Variants in TBC1D5 observed in about 807,000 individuals in gnomAD.
TBC1D5 encodes the protein TBC1 domain family, member 5.
A neutral mutation model predicts 100.3 loss-of-function variants in TBC1D5; 75 were observed. The observed-to-expected ratio is 0.75, with a 90% CI of 0.62 to 0.91. The LOEUF (loss-of-function observed/expected upper bound fraction) is 0.91. Among genes scored for constraint, TBC1D5 ranks in the 40% least tolerant of loss-of-function variants. The pLI is 0.00. For missense variants in TBC1D5, 910 were observed against 942.4 expected (o/e 0.97, Z 0.45); for synonymous variants, 323 against 325.6 (o/e 0.99, Z 0.09).
chr3:17,516,793 A>T (rs2095994999), intron 2 of TBC1D5, among the ~76,000 whole-genome samples: 1 of 152,198 alleles, frequency 6.6e-6, no homozygotes, highest in South Asian at 2.1e-4. Context: ...CGCTCTGGGA[A>T]ATGCTTACTT....
intron 17 of TBC1D5, among the ~76,000 whole-genome samples, chr3:17,235,640 A>C (rs766642699): frequency 1.3e-5 from 2 of 152,182 alleles, no homozygotes; most frequent in African/African-American, 2.4e-5. Context: ...CTACCAAAAC[A>C]ACCATAGATT....
chr3:17,305,857 T>C (rs2083342028), intron 14 of TBC1D5, among the ~76,000 whole-genome samples: 1 of 152,198 alleles, frequency 6.6e-6, no homozygotes, highest in Admixed American at 6.5e-5. Context: ...AACTGTTAAC[T>C]GATGTCCTTG....
chr3:17,394,021 A>G (rs979470445), intron 8 of TBC1D5, among the ~76,000 whole-genome samples: 2 of 152,158 alleles, frequency 1.3e-5, no homozygotes, highest in Admixed American at 1.3e-4. Context: ...AGAAACTATC[A>G]TCAGAGTGAA....
intron 2 of TBC1D5, among the ~76,000 whole-genome samples, chr3:17,591,267 CA>C (rs370530999): frequency 7.7e-4 from 60 of 78,340 alleles, no homozygotes; most frequent in Non-Finnish European, 1.1e-3. Flanking sequence ...AAAAAAAAAA[CA>C]AAAACCCCAG....
intron 18 of TBC1D5, among the ~76,000 whole-genome samples, chr3:17,201,326 C>T (rs1391207627): frequency 6.6e-6 from 1 of 152,154 alleles, no homozygotes; most frequent in Non-Finnish European, 1.5e-5. Flanking sequence ...AGCGTGAGCT[C>T]GGTTTTAAGA....
chr3:17,689,110 T>C (rs904302077), intron 1 of TBC1D5, among the ~76,000 whole-genome samples: 1 of 152,092 alleles, frequency 6.6e-6, no homozygotes, highest in African/African-American at 2.4e-5. Context: ...AAAATCCCCA[T>C]TATCACCATA....
intron 8 of TBC1D5, among the ~76,000 whole-genome samples, chr3:17,397,123 C>G (rs1041045346): frequency 2.0e-5 from 3 of 151,980 alleles, no homozygotes; most frequent in Non-Finnish European, 4.4e-5. Context: ...CAGCACATAT[C>G]TATAATTTTT....
intron 2 of TBC1D5, among the ~76,000 whole-genome samples, chr3:17,521,890 A>G (rs2096067435): frequency 1.3e-5 from 2 of 152,144 alleles, no homozygotes; most frequent in Admixed American, 6.5e-5. Context: ...TGTAGTCCAT[A>G]TTAAAATGGC....
intron 12 of TBC1D5, among the ~76,000 whole-genome samples, chr3:17,373,379 T>G (rs545054335): frequency 3.9e-5 from 6 of 152,288 alleles, no homozygotes; most frequent in South Asian, 4.1e-4. Context: ...ATATACCAAA[T>G]TCTTTAACAG....
At position 17,689,537 on chromosome 3, in the gene TBC1D5, G is replaced by A. The variant is rs1048161707; in HGVS notation, c.-101+49806C>T. ...CTGTCTCAAAAAAAAAAAAAAAAAA[G>A]AAAAGAAAAAGAGAAAAAAGGGAGG... On this transcript the variant is annotated intron_variant, in intron 1 of 21. Coordinates refer to ENST00000253692, the Ensembl canonical transcript of TBC1D5. Among the ~76,000 whole-genome samples, 218 of 141,214 alleles carry A rather than the reference G, an allele frequency of 1.5e-3. 1 individual carries two copies. Among genetic ancestry groups the A allele is most frequent in the Admixed American group, 2.3e-3 (32 of 13,994 alleles). The allele number at this position is 141,214 out of a possible 152,430, so 92.6% of individuals were successfully genotyped here. A position where few individuals can be genotyped will look rare whatever the true frequency, so the allele number is the denominator to read the frequency against.
chr3:17,374,508 T>G (rs748005847), exon 12 of TBC1D5: 3 of 1,612,226 alleles, frequency 1.9e-6, no homozygotes, highest in African/African-American at 1.3e-5. Flanking sequence ...AAACCAAGGT[T>G]CAGCAGTTTC....
intron 1 of TBC1D5, among the ~76,000 whole-genome samples, chr3:17,679,472 CTTG>C (rs1191942672): frequency 2.6e-5 from 4 of 151,092 alleles, no homozygotes; most frequent in Admixed American, 2.6e-4. Flanking sequence ...TTTAAAAATC[CTTG>C]TTAATTGATA....
At chr3:17,280,324 GA>G (rs770350372) in intron 15 of TBC1D5, among the ~76,000 whole-genome samples, 36 of 152,154 alleles carry the variant, frequency 2.4e-4, no homozygotes, top group Admixed American at 4.6e-4. Flanking sequence ...ATTCTGGACA[GA>G]AGAGGGCAGG....
intron 1 of TBC1D5, among the ~76,000 whole-genome samples, chr3:17,690,707 G>A (rs1353838102): frequency 3.3e-5 from 5 of 152,100 alleles, no homozygotes; most frequent in Admixed American, 2.6e-4. Flanking sequence ...ACATGTGAGC[G>A]ATCTAGGTTG....
At chr3:17,391,243 G>C (rs552581208) in intron 8 of TBC1D5, among the ~76,000 whole-genome samples, 1 of 152,102 alleles carries the variant, frequency 6.6e-6, no homozygotes, top group East Asian at 1.9e-4. Context: ...TTCTTTCTTG[G>C]ATCGCTTGAT....
intron 2 of TBC1D5, among the ~76,000 whole-genome samples, chr3:17,531,021 T>A (rs2096215382): frequency 6.6e-6 from 1 of 152,170 alleles, no homozygotes; most frequent in Admixed American, 6.5e-5. Flanking sequence ...GGGCATTCAA[T>A]TAGGAAAACA....
intron 2 of TBC1D5, among the ~76,000 whole-genome samples, chr3:17,583,715 A>G (rs1241402011): frequency 6.6e-6 from 1 of 152,216 alleles, no homozygotes; most frequent in African/African-American, 2.4e-5. Context: ...CAACAGAGCA[A>G]GACTGTCTCA....
At chr3:17,551,454 T>G (rs531805163) in intron 2 of TBC1D5, among the ~76,000 whole-genome samples, 5 of 152,134 alleles carry the variant, frequency 3.3e-5, no homozygotes, top group African/African-American at 1.2e-4. Flanking sequence ...CAGCACAGCA[T>G]GCTTCATTAA....
intron 2 of TBC1D5, chr3:17,562,197 T>C (rs147791187): frequency 1.3e-5 from 2 of 151,844 alleles, no homozygotes; most frequent in African/African-American, 2.4e-5. Context: ...GCAAACAAAA[T>C]ATAAAACTTC....
Sources: gnomAD v4.1 joint callset for allele counts (sites outside exome capture counted in the v4.1 genomes callset) on GRCh38, gnomAD v4.1.1 for gene constraint, MANE v1.5 for transcripts, NCBI Gene and HGNC (gene_info 2026-07-23, HGNC 2026-07-21) for gene names.